Variants in PSTPIP2 observed in about 807,000 individuals in gnomAD.
The protein encoded by PSTPIP2 is proline-serine-threonine phosphatase-interacting protein 2.
PSTPIP2 carries 33 observed loss-of-function variants against 63.3 expected under a neutral mutation model. That is an observed-to-expected ratio of 0.52 (90% CI 0.40 to 0.70). The LOEUF is 0.70. Among genes scored for constraint, PSTPIP2 ranks in the 30% least tolerant of loss-of-function variants. The probability of loss-of-function intolerance (pLI) is 0.00; values close to 1 mark genes in which losing one functional copy is unlikely to be tolerated. For missense variants in PSTPIP2, 312 were observed against 400.7 expected (o/e 0.78, Z 1.89); for synonymous variants, 125 against 132.7 (o/e 0.94, Z 0.40).
At chr18:46,041,240 TG>T (rs1908182254) in intron 1 of PSTPIP2, among the ~76,000 whole-genome samples, 1 of 152,032 alleles carries the variant, frequency 6.6e-6, no homozygotes, top group Non-Finnish European at 1.5e-5. Context: ...TATATATATA[TG>T]TTATGTTTTG....
chr18:45,993,181 G>A lies in PSTPIP2; in HGVS notation c.741+424C>T, dbSNP rs150682135. Reference sequence around the variant, plus strand: ...ACGATCTTGGCTCACTGCAGCCTCCGCCTCCTGGGTTCAAGCAATTCTCCC... The same window carrying A: ...ACGATCTTGGCTCACTGCAGCCTCCACCTCCTGGGTTCAAGCAATTCTCCC... On this transcript the variant is annotated intron_variant, in intron 10 of 14. Transcript: ENST00000409746. Among the ~76,000 whole-genome samples, 26 of 152,146 alleles carry A rather than the reference G, an allele frequency of 1.7e-4. 1 individual carries two copies. The highest frequency in any genetic ancestry group is 3.4e-4 in the African/African-American group (14 of 41,510).
In PSTPIP2 at chr18:45,985,304, T is replaced by C. The variant is rs1442591818; in HGVS notation, c.*155A>G. 4 of 1,067,748 alleles carry C rather than the reference T, an allele frequency of 3.7e-6. No individual in the cohort carries two copies. Among genetic ancestry groups the C allele is most frequent in the Non-Finnish European group, 4.1e-6 (3 of 733,996 alleles). The allele number at this position is 1,067,748 out of a possible 1,614,324, so 66.1% of individuals were successfully genotyped here. ...CTCTACTTGCTTATGTTGTCCTAAA[T>C]GTCTACCATAAATTTTAAATCTCTA... On this transcript the variant is annotated 3_prime_UTR_variant, in exon 15 of 15. Coordinates refer to ENST00000409746, the MANE Select transcript of PSTPIP2 (RefSeq NM_024430.4).
At chr18:46,045,825 G>A (rs905723176) in intron 1 of PSTPIP2, among the ~76,000 whole-genome samples, 3 of 152,184 alleles carry the variant, frequency 2.0e-5, no homozygotes, top group African/African-American at 7.2e-5. Flanking sequence ...ACCCACACCT[G>A]TAGTCCCAGC....
chr18:46,000,900 T>TCAGA (rs1555687267), intron 6 of PSTPIP2, among the ~76,000 whole-genome samples: 3 of 151,626 alleles, frequency 2.0e-5, no homozygotes, highest in African/African-American at 7.3e-5. Context: ...AAGCTGTGAA[T>TCAGA]CAGTTAGCTA....
In PSTPIP2 at chr18:46,064,366, C is replaced by T. The variant is rs1417769888; in HGVS notation, c.33+7790G>A. 4.6e-5 allele frequency among the ~76,000 whole-genome samples: 6 copies of T among 131,374 alleles called. No individual in the cohort carries two copies. The East Asian group carries it at 9.9e-4, about 22-fold the overall frequency. 86.2% of individuals were successfully genotyped at this position (131,374 alleles called of 152,430 possible). ...AGTGCAGCGGAGTGACCTTGGCTCA[C>T]TGCAACCGCCCCCTCCCAAGTCCAG... On this transcript the variant is annotated intron_variant, in intron 1 of 14. Coordinates refer to ENST00000409746, the MANE Select transcript of PSTPIP2 (RefSeq NM_024430.4).
chr18:46,029,953 A>G, intron 2 of PSTPIP2: 1 of 228,202 alleles, frequency 4.4e-6, no homozygotes, highest in East Asian at 1.4e-4. Context: ...CATCTCTACT[A>G]AAAATACAAA....
intron 2 of PSTPIP2, chr18:46,028,758 A>G (rs187005313): frequency 2.0e-6 from 2 of 1,024,978 alleles, no homozygotes; most frequent in East Asian, 4.8e-5. Context: ...GACTTTAAGA[A>G]GAATTCCAGC....
At chr18:46,027,666 G>A (rs1907631868) in intron 2 of PSTPIP2, among the ~76,000 whole-genome samples, 1 of 152,024 alleles carries the variant, frequency 6.6e-6, no homozygotes, top group African/African-American at 2.4e-5. Context: ...CTCCAGCATG[G>A]ATGACAAAGT....
intron 1 of PSTPIP2, among the ~76,000 whole-genome samples, chr18:46,041,503 C>T (rs1433710142): frequency 6.6e-6 from 1 of 152,146 alleles, no homozygotes; most frequent in Non-Finnish European, 1.5e-5. Context: ...CCACCTTGGC[C>T]TCCCAAAGTG....
At chr18:46,046,315 A>G (rs1248356074) in intron 1 of PSTPIP2, among the ~76,000 whole-genome samples, 1 of 152,190 alleles carries the variant, frequency 6.6e-6, no homozygotes, top group Non-Finnish European at 1.5e-5. Flanking sequence ...AAAGCCACCA[A>G]CAGGGTTACG....
At chr18:46,053,549 C>T (rs1908651070) in intron 1 of PSTPIP2, among the ~76,000 whole-genome samples, 1 of 152,166 alleles carries the variant, frequency 6.6e-6, no homozygotes, top group South Asian at 2.1e-4. Context: ...AGTATGCAAA[C>T]ATCTTGATGT....
At chr18:46,017,559 T>A (rs2051865645) in intron 3 of PSTPIP2, among the ~76,000 whole-genome samples, 2 of 152,140 alleles carry the variant, frequency 1.3e-5, no homozygotes, top group African/African-American at 4.8e-5. Flanking sequence ...TCTCTTAATT[T>A]TTCTTTACTT....
At chr18:46,016,322 C>T (rs796951023) in intron 3 of PSTPIP2, 41 of 193,428 alleles carry the variant, frequency 2.1e-4, no homozygotes, top group African/African-American at 9.2e-4. Flanking sequence ...CAAGATTGCA[C>T]CACTGCACTC....
At chr18:46,015,465 C>T (rs539569753) in intron 4 of PSTPIP2, among the ~76,000 whole-genome samples, 12 of 152,134 alleles carry the variant, frequency 7.9e-5, no homozygotes, top group South Asian at 4.2e-4. Flanking sequence ...ACAGTGTCTC[C>T]GAGTTAGACC....
intron 2 of PSTPIP2, among the ~76,000 whole-genome samples, chr18:46,036,128 TTTAATTAATA>T (rs1050855934): frequency 4.7e-5 from 7 of 148,664 alleles, no homozygotes; most frequent in East Asian, 1.9e-4. Context: ...TATCATTTTA[TTTAATTAATA>T]TTAATTAATA....
At position 45,999,465 on chromosome 18, in the gene PSTPIP2, T is replaced by C; in HGVS notation, c.487A>G (p.Asn163Asp). Residue 163 changes from asparagine to aspartate, a missense_variant, in exon 7 of 15, where the codon AAC (asparagine) becomes GAC (aspartate). Coordinates refer to ENST00000409746, the MANE Select transcript of PSTPIP2 (RefSeq NM_024430.4). ...TCTTGTTGCTTCGGGTTCACCAGGT[T>C]GGCACTCCGGCTGACGGCCTGTTCT... ...EAEQAVSRSA[N>D]LVNPKQQEKL... The C allele has an allele frequency of 6.2e-7, 1 of 1,614,236 alleles. No individual in the cohort carries two copies. Among genetic ancestry groups the C allele is most frequent in the South Asian group, 1.1e-5 (1 of 91,086 alleles).
intron 1 of PSTPIP2, among the ~76,000 whole-genome samples, chr18:46,046,791 G>C (rs1324860255): frequency 6.6e-6 from 1 of 152,220 alleles, no homozygotes; most frequent in Non-Finnish European, 1.5e-5. Flanking sequence ...CCAATCTTGA[G>C]TAAAACATGC....
Position 46,050,195 on chromosome 18 carries a change from C to T in PSTPIP2, c.34-10148G>A, listed in dbSNP as rs373507485. ...AATTTTAAATATGTATAGCCTTTGA[C>T]GATGAGGAGTTTATCCTACAGAAAT... On this transcript the variant is annotated intron_variant, in intron 1 of 14. Coordinates refer to ENST00000409746, the MANE Select transcript of PSTPIP2 (RefSeq NM_024430.4). 4.6e-5 allele frequency among the ~76,000 whole-genome samples: 7 copies of T among 152,226 alleles called. No individual in the cohort carries two copies. In the East Asian group the frequency reaches 1.3e-3, roughly 29 times the overall value.
chr18:45,998,817 G>A lies in PSTPIP2; in HGVS notation c.539C>T (p.Ser180Leu). 1 of 1,613,630 alleles carries A rather than the reference G, an allele frequency of 6.2e-7. No individual in the cohort carries two copies. Among genetic ancestry groups the A allele is most frequent in the Non-Finnish European group, 8.5e-7 (1 of 1,179,986 alleles). The change falls in exon 8 of 15, where the codon TCA becomes TTA. Residue 180 changes from serine (S) to leucine (L), a missense_variant. Physicochemically the swap from Ser to Leu is moderately radical, Grantham distance 145 (BLOSUM62 -2). Coordinates refer to ENST00000409746, the MANE Select transcript of PSTPIP2 (RefSeq NM_024430.4). ...QEKLFVKLATSKTAVEDSDKA... is the reference protein window; with the variant it reads ...QEKLFVKLATLKTAVEDSDKA... ...ACCTGAGTCCTCTACTGCGGTCTTT[G>A]AAGTTGCCAGTTTCACAAAAAGCTG...
Sources: gnomAD v4.1 joint callset for allele counts (sites outside exome capture counted in the v4.1 genomes callset) on GRCh38, gnomAD v4.1.1 for gene constraint, MANE v1.5 for transcripts, NCBI Gene and HGNC (gene_info 2026-07-23, HGNC 2026-07-21) for gene names.